The following ME1 variants were observed in gnomAD, a reference collection of about 807,000 sequenced individuals.
ME1 encodes the protein NADP-dependent malic enzyme.
ME1 carries 74 observed loss-of-function variants against 66.4 expected under a neutral mutation model. The observed-to-expected ratio is 1.11, with a 90% CI of 0.92 to 1.35. ME1 has a LOEUF of 1.35. ME1 is among the 40% of genes most tolerant of loss of function. The pLI, the probability that ME1 is intolerant of heterozygous loss-of-function variation, is 0.00. For missense variants in ME1, 750 were observed against 694.1 expected, an observed-to-expected ratio of 1.08 and a Z score of -0.90; for synonymous variants, 251 against 235.6, an observed-to-expected ratio of 1.07 and a Z score of -0.60.
At chr6:83,417,220 ATTT>A in intron 1 of ME1, among the ~76,000 whole-genome samples, 1 of 151,516 alleles carries the variant, frequency 6.6e-6, no homozygotes. Flanking sequence ...TGGAAAAAAA[ATTT>A]TTTTTTGAGA....
At chr6:83,238,921 GT>G (rs1790461277) in intron 8 of ME1, among the ~76,000 whole-genome samples, 1 of 150,986 alleles carries the variant, frequency 6.6e-6, no homozygotes, top group South Asian at 2.1e-4. Flanking sequence ...TTAATTTCTA[GT>G]TTGGGGATGA....
At chr6:83,363,360 G>A (rs929493689) in intron 3 of ME1, among the ~76,000 whole-genome samples, 2 of 152,162 alleles carry the variant, frequency 1.3e-5, no homozygotes, top group Admixed American at 1.3e-4. Context: ...TGTTTGCTGG[G>A]ATGATTGACC....
chr6:83,276,171 C>T (rs888176701), intron 6 of ME1, among the ~76,000 whole-genome samples: 1 of 152,094 alleles, frequency 6.6e-6, no homozygotes, highest in Non-Finnish European at 1.5e-5. Flanking sequence ...AAAACAAATT[C>T]ACGATGCAGT....
At chr6:83,405,156 T>C (rs1428192840) in intron 2 of ME1, among the ~76,000 whole-genome samples, 5 of 152,194 alleles carry the variant, frequency 3.3e-5, no homozygotes, top group Non-Finnish European at 7.4e-5. Context: ...TGTTCTTCCA[T>C]TTGTTTGTGT....
chr6:83,428,899 A>G (rs1056930422), intron 1 of ME1, among the ~76,000 whole-genome samples: 8 of 152,216 alleles, frequency 5.3e-5, no homozygotes, highest in Non-Finnish European at 1.2e-4. Flanking sequence ...TTGTGATACT[A>G]TTATTCTGAA....
intron 3 of ME1, among the ~76,000 whole-genome samples, chr6:83,353,998 A>T (rs919649062): frequency 6.6e-6 from 1 of 151,960 alleles, no homozygotes; most frequent in African/African-American, 2.4e-5. Context: ...CCTCCTAATC[A>T]CTACCTGCTT....
At chr6:83,326,803 C>T (rs1195474117) in intron 5 of ME1, among the ~76,000 whole-genome samples, 1 of 152,092 alleles carries the variant, frequency 6.6e-6, no homozygotes, top group African/African-American at 2.4e-5. Context: ...TAAATTAGTT[C>T]AACCACTATG....
chr6:83,383,073 T>C (rs1217678126), intron 3 of ME1, among the ~76,000 whole-genome samples: 1 of 151,864 alleles, frequency 6.6e-6, no homozygotes, highest in Non-Finnish European at 1.5e-5. Flanking sequence ...ACTGCAGATT[T>C]TAGACTTGCG....
intron 3 of ME1, among the ~76,000 whole-genome samples, chr6:83,359,010 C>T (rs911400087): frequency 3.3e-5 from 5 of 152,120 alleles, no homozygotes; most frequent in Admixed American, 6.5e-5. Flanking sequence ...GGTTGCACAG[C>T]GGCCAGGCAG....
chr6:83,425,310 A>G (rs1356534356), intron 1 of ME1, among the ~76,000 whole-genome samples: 1 of 152,138 alleles, frequency 6.6e-6, no homozygotes, highest in Non-Finnish European at 1.5e-5. Flanking sequence ...GCCTGATAAC[A>G]TAATTACTAA....
In ME1 at chr6:83,211,788, T is replaced by C. The variant is rs902772543; in HGVS notation, c.*136A>G. 4.3e-4 allele frequency: 241 copies of C among 562,072 alleles called. No individual in the cohort carries two copies. Among genetic ancestry groups the C allele is most frequent in the Non-Finnish European group, 5.0e-5 (18 of 357,710 alleles). 34.8% of individuals were successfully genotyped at this position (562,072 alleles called of 1,614,324 possible). ...TTTATCCCAATTTATATCGATATTC[T>C]TCTATCAATTTTTAGACTGTTAAAG... On this transcript the variant is annotated 3_prime_UTR_variant, in exon 14 of 14. Coordinates refer to ENST00000369705, the MANE Select transcript of ME1 (RefSeq NM_002395.6).
intron 6 of ME1, among the ~76,000 whole-genome samples, chr6:83,281,064 A>T (rs944155723): frequency 1.3e-5 from 2 of 152,240 alleles, no homozygotes; most frequent in Admixed American, 1.3e-4. Flanking sequence ...ATTGAAGAGC[A>T]TGCTAAGAAA....
chr6:83,361,159 A>G (rs2128545920), intron 3 of ME1, among the ~76,000 whole-genome samples: 1 of 152,336 alleles, frequency 6.6e-6, no homozygotes, highest in East Asian at 1.9e-4. Flanking sequence ...AAACACACCG[A>G]ATGTATTGGT....
rs60920949 is a variant in ME1, at chr6:83,430,818, A to AGG, written c.78+57_78+58dup. ...AGGCCATGGTGCGGGGACCTGCAAG[A>AGG]GGGCCCTGACCCTGATAGAGAGGGG... On this transcript the variant is annotated intron_variant, in intron 1 of 13. Transcript: ENST00000369705. 11,984 of 1,433,160 alleles carry AGG rather than the reference A, an allele frequency of 8.4e-3. 791 individuals carry two copies. The African/African-American group carries it at 0.15, about 18-fold the overall frequency. The allele number at this position is 1,433,160 out of a possible 1,614,324, so 88.8% of individuals were successfully genotyped here.
intron 6 of ME1, among the ~76,000 whole-genome samples, chr6:83,300,076 T>C (rs1767686312): frequency 6.6e-6 from 1 of 152,092 alleles, no homozygotes; most frequent in Admixed American, 6.6e-5. Flanking sequence ...TTCTGTTGGT[T>C]TTCTGCCAGG....
At chr6:83,323,693 C>T (rs1315172122) in intron 5 of ME1, among the ~76,000 whole-genome samples, 1 of 152,120 alleles carries the variant, frequency 6.6e-6, no homozygotes, top group Admixed American at 6.6e-5. Context: ...AAAGCAAGTT[C>T]ATAGAGACCT....
chr6:83,347,586 C>T (rs1191136244), intron 4 of ME1, among the ~76,000 whole-genome samples: 1 of 152,050 alleles, frequency 6.6e-6, no homozygotes, highest in Non-Finnish European at 1.5e-5. Context: ...TTTTGCTTAC[C>T]ACTGTACATC....
At chr6:83,229,963 C>G (rs768276378) in intron 9 of ME1, among the ~76,000 whole-genome samples, 1 of 152,058 alleles carries the variant, frequency 6.6e-6, no homozygotes, top group Non-Finnish European at 1.5e-5. Context: ...GCTGGAACTA[C>G]AGGCATGCAC....
At chr6:83,346,798 A>G (rs931195881) in intron 4 of ME1, among the ~76,000 whole-genome samples, 5 of 152,094 alleles carry the variant, frequency 3.3e-5, no homozygotes, top group Non-Finnish European at 5.9e-5. Context: ...TCCTATTTTT[A>G]CAACAATCTG....
Sources: gnomAD v4.1 joint callset for allele counts (sites outside exome capture counted in the v4.1 genomes callset) on GRCh38, gnomAD v4.1.1 for gene constraint, MANE v1.5 for transcripts, NCBI Gene and HGNC (gene_info 2026-07-23, HGNC 2026-07-21) for gene names.